SDK1: variants seen among roughly 807,000 people sequenced by gnomAD.
SDK1 encodes the protein sidekick cell adhesion molecule 1.
SDK1 carries 157 observed loss-of-function variants against 245.5 expected under a neutral mutation model. The ratio of observed to expected loss-of-function variants is 0.64; its 90% CI spans 0.56 to 0.73. The LOEUF is 0.73. SDK1 is among the 30% of genes least tolerant of loss of function. The pLI is 0.00. For synonymous variants in SDK1, 1,647 were observed against 1,278.5 expected (o/e 1.29, Z -6.15); for missense variants, 3,583 against 3,002.3 (o/e 1.19, Z -4.52).
At chr7:3,996,964 T>G (rs1784732984) in intron 14 of SDK1, among the ~76,000 whole-genome samples, 1 of 152,192 alleles carries the variant, frequency 6.6e-6, no homozygotes, top group African/African-American at 2.4e-5. Flanking sequence ...AATTTGTATG[T>G]AACAAAATGC....
chr7:3,393,044 C>G (rs933189736), intron 1 of SDK1, among the ~76,000 whole-genome samples: 1 of 144,660 alleles, frequency 6.9e-6, no homozygotes, highest in Admixed American at 7.2e-5. Context: ...GATCTCAGCT[C>G]ACTGCAATCT....
intron 1 of SDK1, among the ~76,000 whole-genome samples, chr7:3,359,055 C>G (rs1313170680): frequency 6.6e-6 from 1 of 152,134 alleles, no homozygotes; most frequent in Non-Finnish European, 1.5e-5. Flanking sequence ...TTTTCCTCAT[C>G]ATAGAACCTT....
intron 35 of SDK1, among the ~76,000 whole-genome samples, chr7:4,194,873 A>G (rs551687928): frequency 1.6e-4 from 25 of 152,328 alleles, no homozygotes; most frequent in African/African-American, 6.0e-4. Context: ...AGTATTAACC[A>G]TCACAATGTA....
At position 4,135,057 on chromosome 7, in the gene SDK1, C is replaced by T. The variant is rs865893232; in HGVS notation, c.4228+2634C>T. Among the ~76,000 whole-genome samples the T allele has an allele frequency of 1.1e-3, 160 of 152,314 alleles. 2 individuals are homozygous for T. Among genetic ancestry groups the T allele is most frequent in the African/African-American group, 3.6e-3 (151 of 41,560 alleles). ...CACGTGTCTACCTGGTGAGGCTTCT[C>T]CTCAGCACGCCCGCCGGAGTGAGGC... On this transcript the variant is annotated intron_variant, in intron 28 of 44. Transcript: ENST00000404826.
chr7:3,363,487 G>T (rs4428572), intron 1 of SDK1, among the ~76,000 whole-genome samples: 10,343 of 152,136 alleles, frequency 0.068, 431 homozygotes, highest in African/African-American at 0.11. Flanking sequence ...TAGGAATTCA[G>T]TTGTTGGCTT....
At chr7:4,084,544 C>T (rs1279374413) in intron 22 of SDK1, among the ~76,000 whole-genome samples, 1 of 152,158 alleles carries the variant, frequency 6.6e-6, no homozygotes, top group East Asian at 1.9e-4. Context: ...GGTGGATCTC[C>T]TCGCTCCCAG....
At chr7:3,558,298 T>A (rs972130707) in intron 1 of SDK1, among the ~76,000 whole-genome samples, 1 of 152,242 alleles carries the variant, frequency 6.6e-6, no homozygotes, top group Non-Finnish European at 1.5e-5. Context: ...CCTCAGAGTT[T>A]GGAACCTAGG....
intron 5 of SDK1, among the ~76,000 whole-genome samples, chr7:3,917,811 C>T (rs770471218): frequency 6.6e-6 from 1 of 152,188 alleles, no homozygotes; most frequent in Non-Finnish European, 1.5e-5. Context: ...CACACATGCA[C>T]ATGTATGTAG....
intron 5 of SDK1, among the ~76,000 whole-genome samples, chr7:3,859,741 ACT>A (rs1049250421): frequency 4.2e-4 from 64 of 152,192 alleles, no homozygotes; most frequent in African/African-American, 1.3e-3. Context: ...TTAAGTCAAC[ACT>A]GAGTTACCAC....
At position 4,268,792 on chromosome 7, in the gene SDK1, T is replaced by G. The variant is rs1361826699; in HGVS notation, c.*3408T>G. 6.0e-6 allele frequency: 8 copies of G among 1,341,218 alleles called. No homozygotes were observed. In the East Asian group the frequency reaches 3.7e-4, roughly 61 times the overall value. 83.1% of individuals were successfully genotyped at this position (1,341,218 alleles called of 1,614,324 possible). ...AAGGTGAGGACAACGTGGAAACTCA[T>G]GAGCTGAGCCTGCCCGCTGGGACAC... is the stretch of plus-strand genomic sequence containing the variant. On this transcript the variant is annotated 3_prime_UTR_variant, in exon 45 of 45. Coordinates refer to ENST00000404826, the MANE Select transcript of SDK1 (RefSeq NM_152744.4).
rs1787542685 is a variant in SDK1, at chr7:4,028,543, G to A, written c.2602+11191G>A. Among the ~76,000 whole-genome samples the A allele has an allele frequency of 2.6e-5, 4 of 152,180 alleles. No homozygotes were observed. The South Asian group carries it at 8.3e-4, about 32-fold the overall frequency. Reference sequence around the variant, plus strand: ...TGACTTTGGGAAAAAGGTGGATATGGGTGATGACACATTGTCTACATAAGA... The same window carrying A: ...TGACTTTGGGAAAAAGGTGGATATGAGTGATGACACATTGTCTACATAAGA... On this transcript the variant is annotated intron_variant, in intron 17 of 44. Transcript: ENST00000404826.
At chr7:4,239,122 G>A (rs1258067506) in intron 42 of SDK1, among the ~76,000 whole-genome samples, 3 of 152,212 alleles carry the variant, frequency 2.0e-5, no homozygotes, top group Non-Finnish European at 4.4e-5. Flanking sequence ...CATAGAGCAA[G>A]CATTCAGTCA....
intron 44 of SDK1, among the ~76,000 whole-genome samples, chr7:4,255,550 C>G (rs1787570306): frequency 6.6e-6 from 1 of 152,172 alleles, no homozygotes; most frequent in Non-Finnish European, 1.5e-5. Flanking sequence ...GCGTACCATA[C>G]CTGGTACAGG....
chr7:4,141,799 C>G (rs779397711), intron 28 of SDK1, among the ~76,000 whole-genome samples: 3 of 152,192 alleles, frequency 2.0e-5, no homozygotes, highest in Admixed American at 6.5e-5. Flanking sequence ...CTCAGTCGCC[C>G]AGGCTGGAGT....
At chr7:3,325,498 T>TTTA (rs1779919266) in intron 1 of SDK1, among the ~76,000 whole-genome samples, 2 of 152,290 alleles carry the variant, frequency 1.3e-5, no homozygotes, top group South Asian at 4.1e-4. Flanking sequence ...TAAGATTCTT[T>TTTA]TTATTATAAT....
intron 1 of SDK1, among the ~76,000 whole-genome samples, chr7:3,328,582 C>T (rs946109674): frequency 6.6e-6 from 1 of 151,978 alleles, no homozygotes; most frequent in Non-Finnish European, 1.5e-5. Flanking sequence ...GTCTCCTTCC[C>T]CTAATCCTTG....
At chr7:3,732,801 A>G (rs1195085345) in intron 4 of SDK1, among the ~76,000 whole-genome samples, 1 of 152,242 alleles carries the variant, frequency 6.6e-6, no homozygotes. Flanking sequence ...GTTGTGAGGC[A>G]GTTCAAGGCT....
chr7:3,389,417 C>A (rs969298915), intron 1 of SDK1, among the ~76,000 whole-genome samples: 1 of 152,108 alleles, frequency 6.6e-6, no homozygotes, highest in Non-Finnish European at 1.5e-5. Flanking sequence ...AGAGAAAATG[C>A]TACACCTCTG....
intron 25 of SDK1, among the ~76,000 whole-genome samples, chr7:4,116,480 G>C (rs1341686608): frequency 1.3e-5 from 2 of 152,134 alleles, no homozygotes; most frequent in Non-Finnish European, 1.5e-5. Context: ...CTGGATAAAG[G>C]CTCCTCTCAT....
Sources: gnomAD v4.1 joint callset for allele counts (sites outside exome capture counted in the v4.1 genomes callset) on GRCh38, gnomAD v4.1.1 for gene constraint, MANE v1.5 for transcripts, NCBI Gene and HGNC (gene_info 2026-07-23, HGNC 2026-07-21) for gene names.